The following SLC44A5 variants were observed in gnomAD, a reference collection of about 807,000 sequenced individuals.
SLC44A5 encodes choline transporter-like protein 5.
SLC44A5 carries 57 observed loss-of-function variants against 101.8 expected under a neutral mutation model. The ratio of observed to expected loss-of-function variants is 0.56; its 90% CI spans 0.45 to 0.70. The LOEUF is 0.70. SLC44A5 is among the 30% of genes least tolerant of loss of function. The pLI, the probability that SLC44A5 is intolerant of heterozygous loss-of-function variation, is 0.00. For synonymous variants in SLC44A5, 281 were observed against 290.9 expected, an observed-to-expected ratio of 0.97 and a Z score of 0.35; for missense variants, 737 against 853.1, an observed-to-expected ratio of 0.86 and a Z score of 1.70.
chr1:75,684,040 A>G, the SLC44A5 span, among the ~76,000 whole-genome samples: 1 of 152,144 alleles, frequency 6.6e-6, no homozygotes, highest in Non-Finnish European at 1.5e-5. Flanking sequence ...CATGGCTGGG[A>G]AGACCTCACA....
the SLC44A5 span, among the ~76,000 whole-genome samples, chr1:75,679,370 G>C: frequency 6.6e-6 from 1 of 152,026 alleles, no homozygotes; most frequent in Non-Finnish European, 1.5e-5. Flanking sequence ...GAGAAAGGTC[G>C]GGTTACCCTC....
intron 4 of SLC44A5, among the ~76,000 whole-genome samples, chr1:75,324,123 A>G (rs928680795): frequency 1.3e-5 from 2 of 152,248 alleles, no homozygotes; most frequent in Non-Finnish European, 2.9e-5. Flanking sequence ...AGAAAAAGAA[A>G]TAACAATCAT....
At chr1:75,616,377 A>T in the SLC44A5 span, among the ~76,000 whole-genome samples, 1 of 152,174 alleles carries the variant, frequency 6.6e-6, no homozygotes, top group Non-Finnish European at 1.5e-5. Context: ...GCGCGGAGAG[A>T]CCGCGGCCAT....
At chr1:75,433,006 T>G (rs775821395) in intron 2 of SLC44A5, among the ~76,000 whole-genome samples, 7 of 151,864 alleles carry the variant, frequency 4.6e-5, no homozygotes, top group Non-Finnish European at 7.4e-5. Flanking sequence ...GGGAACTTGG[T>G]TCTATTATTT....
At chr1:75,615,255 T>G (rs931653854), upstream of SLC44A5, among the ~76,000 whole-genome samples, 1 of 151,876 alleles carries the variant, frequency 6.6e-6, no homozygotes, top group African/African-American at 2.4e-5. Context: ...CAAGTCCCCT[T>G]GACCGCAGGG....
intron 2 of SLC44A5, among the ~76,000 whole-genome samples, chr1:75,458,904 T>C (rs956107120): frequency 2.0e-5 from 3 of 152,132 alleles, no homozygotes; most frequent in Non-Finnish European, 4.4e-5. Context: ...TGTTTTTGAA[T>C]ATAATGAGTT....
intron 4 of SLC44A5, among the ~76,000 whole-genome samples, chr1:75,338,951 G>T (rs903254985): frequency 1.3e-5 from 2 of 152,062 alleles, no homozygotes; most frequent in African/African-American, 4.8e-5. Context: ...AATCCCCTTT[G>T]TTATTAGCAA....
At chr1:75,461,478 T>C (rs1432705284) in intron 2 of SLC44A5, among the ~76,000 whole-genome samples, 1 of 152,194 alleles carries the variant, frequency 6.6e-6, no homozygotes, top group African/African-American at 2.4e-5. Flanking sequence ...GGACATTAGA[T>C]ATATTTAATT....
At chr1:75,494,760 G>T (rs746929764) in intron 2 of SLC44A5, among the ~76,000 whole-genome samples, 1 of 152,212 alleles carries the variant, frequency 6.6e-6, no homozygotes, top group Admixed American at 6.5e-5. Flanking sequence ...TGAGCACACA[G>T]AAATTTTCCA....
chr1:75,340,958 G>A (rs897333273), intron 3 of SLC44A5, among the ~76,000 whole-genome samples: 1 of 152,212 alleles, frequency 6.6e-6, no homozygotes, highest in Non-Finnish European at 1.5e-5. Context: ...CCAGCGTTGA[G>A]TTTCATGAGA....
At chr1:75,591,323 G>A (rs898378835) in intron 1 of SLC44A5, among the ~76,000 whole-genome samples, 1 of 151,926 alleles carries the variant, frequency 6.6e-6, no homozygotes. Context: ...ATAACAAATG[G>A]CACGCGTAAG....
chr1:75,287,327 T>C (rs1313270356), intron 5 of SLC44A5, among the ~76,000 whole-genome samples: 1 of 151,892 alleles, frequency 6.6e-6, no homozygotes, highest in African/African-American at 2.4e-5. Context: ...TCTGGAGATT[T>C]TTCTGTTCAT....
At chr1:75,401,255 T>G (rs1287773452) in intron 2 of SLC44A5, among the ~76,000 whole-genome samples, 1 of 152,186 alleles carries the variant, frequency 6.6e-6, no homozygotes, top group Non-Finnish European at 1.5e-5. Context: ...TAACAAACAT[T>G]TACTGAACTC....
the SLC44A5 span, among the ~76,000 whole-genome samples, chr1:75,704,736 T>G: frequency 1.3e-5 from 2 of 152,234 alleles, no homozygotes; most frequent in African/African-American, 4.8e-5. Flanking sequence ...ATTATTTCTA[T>G]GTAGACAATG....
At chr1:75,707,662 A>T in the SLC44A5 span, among the ~76,000 whole-genome samples, 1 of 152,110 alleles carries the variant, frequency 6.6e-6, no homozygotes, top group Non-Finnish European at 1.5e-5. Flanking sequence ...TGATAATCTT[A>T]TTTTTTATAA....
intron 5 of SLC44A5, among the ~76,000 whole-genome samples, chr1:75,289,017 G>A (rs190206305): frequency 1.6e-4 from 25 of 152,290 alleles, no homozygotes; most frequent in Admixed American, 9.2e-4. Context: ...AAAGACACAC[G>A]TGTGCTAATG....
In SLC44A5 at chr1:75,569,512, G is replaced by T. The variant is rs567692600; in HGVS notation, c.-69-27996C>A. ...CCTCATAGGCCTCACAAAGTGCTGGGATTATAGGTGTGAGCCACGAAGGCT... is the reference window on the plus strand; with the variant it reads ...CCTCATAGGCCTCACAAAGTGCTGGTATTATAGGTGTGAGCCACGAAGGCT... On this transcript the variant is annotated intron_variant, in intron 1 of 23. Transcript: ENST00000370859. Among the ~76,000 whole-genome samples the T allele has an allele frequency of 3.2e-4, 48 of 152,248 alleles. 1 individual carries two copies. The South Asian group carries it at 9.5e-3, about 30-fold the overall frequency.
the SLC44A5 span, among the ~76,000 whole-genome samples, chr1:75,700,352 T>A: frequency 1.3e-5 from 2 of 151,812 alleles, no homozygotes; most frequent in Non-Finnish European, 2.9e-5. Context: ...ATTAAGAAAC[T>A]CACTCAAAAC....
At chr1:75,494,420 A>C (rs1166543755) in intron 2 of SLC44A5, among the ~76,000 whole-genome samples, 1 of 152,186 alleles carries the variant, frequency 6.6e-6, no homozygotes, top group Non-Finnish European at 1.5e-5. Flanking sequence ...TACCCAAGGA[A>C]TTAACTCCAA....
Sources: gnomAD v4.1 joint callset for allele counts (sites outside exome capture counted in the v4.1 genomes callset) on GRCh38, gnomAD v4.1.1 for gene constraint, MANE v1.5 for transcripts, NCBI Gene and HGNC (gene_info 2026-07-23, HGNC 2026-07-21) for gene names.